The following LPA variants were observed in gnomAD, a reference collection of about 807,000 sequenced individuals.
LPA encodes apolipoprotein(a).
In LPA, 199 loss-of-function variants were observed where a neutral mutation model predicts 197.9. The observed-to-expected ratio is 1.01, with a 90% confidence interval of 0.90 to 1.13. The LOEUF is 1.13. Among genes scored for constraint, LPA ranks in the 50% most tolerant of loss-of-function variants. The pLI, the probability that LPA is intolerant of heterozygous loss-of-function variation, is 0.00. For synonymous variants in LPA, 715 were observed against 639.5 expected (o/e 1.12, Z -1.78); for missense variants, 1,853 against 1,785.8 (o/e 1.04, Z -0.68).
At chr6:160,578,474 CCATGGTTTTT>C (rs763148795) in intron 27 of LPA, 39 bp downstream of exon 27, 21 of 1,608,520 alleles carry the variant, frequency 1.3e-5, no homozygotes, top group Admixed American at 6.7e-5. Flanking sequence ...GTAAGATTTT[CCATGGTTTTT>C]CATCCCAGTA....
chr6:160,587,614 G>A (rs41272086), intron 24 of LPA, among the ~76,000 whole-genome samples: 9,827 of 152,110 alleles, frequency 0.065, 490 homozygotes, highest in Non-Finnish European at 0.1. Context: ...GGCGTGTTGC[G>A]AGCCATCATC....
rs1777807273 is a variant in LPA, at chr6:160,531,613, T to C, written c.*116A>G. 2.1e-6 allele frequency: 3 copies of C among 1,410,202 alleles called. No homozygotes were observed. In the South Asian group the frequency reaches 3.5e-5, roughly 17 times the overall value. 87.4% of individuals were successfully genotyped at this position (1,410,202 alleles called of 1,614,324 possible). A position where few individuals can be genotyped will look rare whatever the true frequency, so the allele number is the denominator to read the frequency against. ...CAAAAATGCCAAGGTTTGGCATAGC[T>C]GGTAGCTGGGAACAGTGTCTTCGTT... On this transcript the variant is annotated 3_prime_UTR_variant, in exon 39 of 39. Transcript: ENST00000316300.
intron 28 of LPA, among the ~76,000 whole-genome samples, chr6:160,572,963 T>C (rs543070639): frequency 6.6e-6 from 1 of 152,324 alleles, no homozygotes; most frequent in East Asian, 1.9e-4. Context: ...GTTTCTTGTA[T>C]TTGCATGTCT....
At chr6:160,582,933 T>A (rs189925776) in intron 26 of LPA, among the ~76,000 whole-genome samples, 1 of 152,154 alleles carries the variant, frequency 6.6e-6, no homozygotes. Flanking sequence ...TATTTTCTAG[T>A]TAGCTTTATC....
chr6:160,546,321 C>T (rs1310458018), intron 32 of LPA, among the ~76,000 whole-genome samples: 1 of 152,162 alleles, frequency 6.6e-6, no homozygotes, highest in Non-Finnish European at 1.5e-5. Flanking sequence ...ACTTGGAGAG[C>T]TTCTGGGTTG....
At position 160,537,948 on chromosome 6, in the gene LPA, T is replaced by C. The variant is rs761689365; in HGVS notation, c.5749A>G (p.Thr1917Ala). ...AGACAAGCTGGCATTACTTTGTCAG[T>C]GATGACGGCAGGCCTGTAAGGAAAG... ...LLKLSRPAVI[T>A]DKVMPACLPS... Residue 1917 changes from threonine (T) to alanine (A), a missense_variant, in exon 37 of 39, where the codon ACT (threonine) becomes GCT (alanine). By Grantham distance (58) the Thr-to-Ala change is moderately conservative. Transcript: ENST00000316300. The C allele has an allele frequency of 3.4e-5, 55 of 1,614,064 alleles. No individual in the cohort carries two copies. The highest frequency in any genetic ancestry group is 4.4e-5 in the Non-Finnish European group (52 of 1,180,002).
chr6:160,534,104 C>T (rs1352891523), intron 37 of LPA, among the ~76,000 whole-genome samples: 4,520 of 152,252 alleles, frequency 0.03, 229 homozygotes, highest in African/African-American at 0.1. Context: ...AAAACTGACA[C>T]CGAATCTGGA....
chr6:160,588,496 A>C (rs1778959635), intron 24 of LPA, among the ~76,000 whole-genome samples: 1 of 152,164 alleles, frequency 6.6e-6, no homozygotes. Context: ...GAGCTCTGGC[A>C]TCTCCATTGA....
intron 7 of LPA, among the ~76,000 whole-genome samples, chr6:160,634,841 T>C (rs1274301723): frequency 6.7e-6 from 1 of 150,284 alleles, no homozygotes; most frequent in African/African-American, 2.5e-5. Context: ...ATAAAAATTT[T>C]GGCTAAGACA....
At chr6:160,588,654 C>T (rs572533962) in intron 24 of LPA, among the ~76,000 whole-genome samples, 3 of 152,290 alleles carry the variant, frequency 2.0e-5, no homozygotes, top group Admixed American at 6.5e-5. Flanking sequence ...CTCCTTTCTT[C>T]CACAAATCCC....
intron 28 of LPA, among the ~76,000 whole-genome samples, chr6:160,566,529 G>T (rs1778457556): frequency 6.6e-6 from 1 of 152,190 alleles, no homozygotes; most frequent in Non-Finnish European, 1.5e-5. Flanking sequence ...ATCAGCCACT[G>T]CACAAACATG....
intron 29 of LPA, among the ~76,000 whole-genome samples, chr6:160,556,559 G>C (rs1778267146): frequency 6.6e-6 from 1 of 152,110 alleles, no homozygotes; most frequent in Admixed American, 6.5e-5. Context: ...GTAGGGGACA[G>C]ACATGAAAAC....
rs1779083213 is a variant in LPA, at chr6:160,594,048, A to T, written c.3539T>A (p.Phe1180Tyr). 3.7e-6 allele frequency: 6 copies of T among 1,613,992 alleles called. No homozygotes were observed. The highest frequency in any genetic ancestry group is 5.1e-6 in the Non-Finnish European group (6 of 1,179,884). Residue 1180 changes from phenylalanine to tyrosine, a missense_variant, in exon 22 of 39, where the codon TTC becomes TAC. This residue lies in a region of LPA where 1,737 missense variants were observed against 1,504.4 expected (regional missense o/e 1.15). Transcript: ENST00000316300. ...TGTCCTTCCTGTGACAGTGGTAGAG[A>T]ATGAGCCTCGATAACTCTGTCCATC... ...HGDGQSYRGS[F>Y]STTVTGRTCQ... is the part of the protein sequence containing the mutation.
chr6:160,572,074 G>A (rs1051985355), intron 28 of LPA, among the ~76,000 whole-genome samples: 1 of 152,228 alleles, frequency 6.6e-6, no homozygotes, highest in South Asian at 2.1e-4. Flanking sequence ...ATTTGTGCCA[G>A]AATGCACTGG....
chr6:160,532,810 T>C (rs1432958009), intron 37 of LPA, among the ~76,000 whole-genome samples, 161 bp from the exon 38 acceptor site: 1 of 152,214 alleles, frequency 6.6e-6, no homozygotes, highest in African/African-American at 2.4e-5. Flanking sequence ...CCCATTAAAG[T>C]GCAAATGTCA....
intron 28 of LPA, among the ~76,000 whole-genome samples, chr6:160,567,665 A>G (rs1778482733): frequency 1.3e-5 from 2 of 152,350 alleles, no homozygotes; most frequent in South Asian, 2.1e-4. Context: ...TGAAGGAGAT[A>G]GAGACACAAA....
intron 30 of LPA, among the ~76,000 whole-genome samples, 160 bp downstream of exon 30, chr6:160,555,865 C>T (rs1278246572): frequency 6.6e-6 from 1 of 152,154 alleles, no homozygotes; most frequent in Non-Finnish European, 1.5e-5. Flanking sequence ...AATACCTATT[C>T]TCTCAGACTC....
At position 160,606,539 on chromosome 6, in the gene LPA, C is replaced by A. The variant is rs755392689; in HGVS notation, c.2723G>T (p.Gly908Val). The A allele has an allele frequency of 6.2e-7, 1 of 1,613,542 alleles. No homozygotes were observed. The highest frequency in any genetic ancestry group is 8.5e-7 in the Non-Finnish European group (1 of 1,179,964). Reference protein sequence around the residue: ...CNLTQCSDAEGTAVAPPTITP... With the variant: ...CNLTQCSDAEVTAVAPPTITP... Reference sequence around the variant, plus strand: ...AATAGTTGGAGGCGCGACGGCAGTCCCTTCTGCGTCTGAGCATTGTGTCAG... The same window carrying A: ...AATAGTTGGAGGCGCGACGGCAGTCACTTCTGCGTCTGAGCATTGTGTCAG... Residue 908 changes from glycine to valine, a missense_variant, in exon 17 of 39, where the codon GGG becomes GTG. Physicochemically the swap from Gly to Val is moderately radical, Grantham distance 109. This residue lies in a region of LPA where 1,737 missense variants were observed against 1,504.4 expected (regional missense o/e 1.15). Coordinates refer to ENST00000316300, the MANE Select transcript of LPA (RefSeq NM_005577.4).
At chr6:160,654,056 T>TA (rs1780079104) in intron 1 of LPA, among the ~76,000 whole-genome samples, 12 of 6,952 alleles carry the variant, frequency 1.7e-3, no homozygotes, top group African/African-American at 4.9e-3. Context: ...ATATAATATA[T>TA]TATATATATT....
Sources: gnomAD v4.1 joint callset for allele counts (sites outside exome capture counted in the v4.1 genomes callset) on GRCh38, gnomAD v4.1.1 for gene constraint, gnomAD v4.1.1 regional missense constraint, MANE v1.5 for transcripts, NCBI Gene and HGNC (gene_info 2026-07-23, HGNC 2026-07-21) for gene names.